CFAP95: variants seen among roughly 807,000 people sequenced by gnomAD.
The protein encoded by CFAP95 is cilia- and flagella-associated protein 95.
At chr9:69,821,364 G>A in the CFAP95 span, among the ~76,000 whole-genome samples, 1 of 152,138 alleles carries the variant, frequency 6.6e-6, no homozygotes, top group Non-Finnish European at 1.5e-5. Context: ...TTCAGGGGCA[G>A]CTCCCAGCCA....
At chr9:69,843,890 C>T in the CFAP95 span, among the ~76,000 whole-genome samples, 1 of 151,784 alleles carries the variant, frequency 6.6e-6, no homozygotes, top group East Asian at 2.0e-4. Flanking sequence ...GATCTGCCTG[C>T]CTCCCAAAGT....
the CFAP95 span, among the ~76,000 whole-genome samples, chr9:69,879,228 G>T: frequency 2.0e-5 from 3 of 152,146 alleles, no homozygotes; most frequent in African/African-American, 7.2e-5. Flanking sequence ...AGTAGATAAT[G>T]ATCTTTGTAA....
At chr9:69,885,096 T>A in the CFAP95 span, 2 of 152,216 alleles carry the variant, frequency 1.3e-5, no homozygotes, top group Non-Finnish European at 2.9e-5. Flanking sequence ...CCTGAGGGCC[T>A]GGCAAGAATT....
chr9:69,863,049 GA>G, the CFAP95 span, among the ~76,000 whole-genome samples: 1 of 152,200 alleles, frequency 6.6e-6, no homozygotes, highest in East Asian at 1.9e-4. Flanking sequence ...GAACAGTTAA[GA>G]TGACACTATA....
chr9:69,881,450 C>T, the CFAP95 span, among the ~76,000 whole-genome samples: 1 of 152,148 alleles, frequency 6.6e-6, no homozygotes, highest in Non-Finnish European at 1.5e-5. Flanking sequence ...TTCTTGGCAC[C>T]TTTCTCAAAA....
At chr9:69,860,383 A>G in the CFAP95 span, among the ~76,000 whole-genome samples, 1 of 152,042 alleles carries the variant, frequency 6.6e-6, no homozygotes. Context: ...ACCAGATCTC[A>G]TGTGAACTCT....
chr9:69,889,508 A>C, the CFAP95 span, among the ~76,000 whole-genome samples: 1 of 152,232 alleles, frequency 6.6e-6, no homozygotes, highest in East Asian at 1.9e-4. Context: ...AGCTATGCAA[A>C]GACAGTTTAG....
the CFAP95 span, among the ~76,000 whole-genome samples, chr9:69,823,540 T>A: frequency 1.3e-5 from 2 of 152,182 alleles, no homozygotes; most frequent in Non-Finnish European, 2.9e-5. Flanking sequence ...ATAGGATTAT[T>A]ATAAGATTAC....
At chr9:69,824,055 A>G in the CFAP95 span, among the ~76,000 whole-genome samples, 1 of 152,216 alleles carries the variant, frequency 6.6e-6, no homozygotes, top group Non-Finnish European at 1.5e-5. Context: ...GTATTAGGAC[A>G]TGGCCATTGA....
chr9:69,856,216 T>C, the CFAP95 span, among the ~76,000 whole-genome samples: 1 of 152,200 alleles, frequency 6.6e-6, no homozygotes, highest in African/African-American at 2.4e-5. Flanking sequence ...AAGTGATTGC[T>C]ACAAACATTT....
chr9:69,820,985 C>G, the CFAP95 span: 1 of 1,613,860 alleles, frequency 6.2e-7, no homozygotes. Flanking sequence ...CCTGACCCTC[C>G]GCTCCCATCA....
At chr9:69,906,113 A>G in the CFAP95 span, 1 of 1,608,038 alleles carries the variant, frequency 6.2e-7, no homozygotes. Flanking sequence ...TCCCTTGACT[A>G]GTGGGCCTAT....
At chr9:69,835,493 A>G in the CFAP95 span, among the ~76,000 whole-genome samples, 1 of 152,218 alleles carries the variant, frequency 6.6e-6, no homozygotes, top group Admixed American at 6.5e-5. Context: ...TAGCATCTCT[A>G]TATGCATAAT....
chr9:69,864,347 G>T, the CFAP95 span, among the ~76,000 whole-genome samples: 2 of 151,972 alleles, frequency 1.3e-5, no homozygotes, highest in Admixed American at 6.6e-5. Flanking sequence ...GTGTGTGTGG[G>T]TGTTTGCTTT....
chr9:69,839,669 C>T, the CFAP95 span, among the ~76,000 whole-genome samples: 3 of 151,376 alleles, frequency 2.0e-5, no homozygotes, highest in African/African-American at 2.4e-5. Flanking sequence ...TCAAGTGATC[C>T]GCCTGCCTCA....
At chr9:69,837,115 T>G in the CFAP95 span, among the ~76,000 whole-genome samples, 3 of 152,024 alleles carry the variant, frequency 2.0e-5, no homozygotes, top group African/African-American at 7.2e-5. Flanking sequence ...CACATTTTCT[T>G]AATCCAGTCT....
the CFAP95 span, among the ~76,000 whole-genome samples, chr9:69,848,475 T>C: frequency 6.6e-6 from 1 of 152,100 alleles, no homozygotes; most frequent in Non-Finnish European, 1.5e-5. Context: ...GATCCCAAAG[T>C]CTACCAGAAC....
At chr9:69,857,137 T>C in the CFAP95 span, among the ~76,000 whole-genome samples, 1 of 152,216 alleles carries the variant, frequency 6.6e-6, no homozygotes. Context: ...GCAATAAGAA[T>C]TAGGTAAGCT....
At chr9:69,879,019 C>T in the CFAP95 span, among the ~76,000 whole-genome samples, 2 of 152,110 alleles carry the variant, frequency 1.3e-5, no homozygotes, top group Non-Finnish European at 2.9e-5. Context: ...ACTATTATGA[C>T]GATGGCACCA....
Sources: allele counts gnomAD v4.1 joint callset (sites outside exome capture counted in the v4.1 genomes callset), GRCh38; gene constraint gnomAD v4.1.1; transcripts MANE v1.5; gene names NCBI Gene and HGNC (gene_info 2026-07-23, HGNC 2026-07-21).